SMARCC1: variants seen among roughly 807,000 people sequenced by gnomAD.
SMARCC1 encodes SWI/SNF complex subunit SMARCC1.
Under a neutral mutation model 147.4 loss-of-function variants are expected in SMARCC1, and 43 were observed. The observed-to-expected ratio is 0.29, with a 90% CI of 0.23 to 0.38. SMARCC1 has a LOEUF of 0.38. Among genes scored for constraint, SMARCC1 ranks in the 10% least tolerant of loss-of-function variants. The pLI, the probability that SMARCC1 is intolerant of heterozygous loss-of-function variation, is 1.00. For synonymous variants in SMARCC1, 495 were observed against 484.4 expected (o/e 1.02, Z -0.29); for missense variants, 1,119 against 1,381.1 (o/e 0.81, Z 3.01).
intron 4 of SMARCC1, 106 bp from the exon 5 acceptor site, chr3:47,736,232 A>G (rs1383349948): frequency 1.6e-6 from 1 of 617,022 alleles, no homozygotes; most frequent in African/African-American, 1.9e-5. Flanking sequence ...CTGCCACAAA[A>G]AATATTGAGA....
chr3:47,722,293 A>ATT (rs34260316), intron 6 of SMARCC1, among the ~76,000 whole-genome samples: 46,962 of 106,898 alleles, frequency 0.44, 11,129 homozygotes, highest in East Asian at 0.69. Flanking sequence ...ACAAATTTTG[A>ATT]TTTTTTTTTT....
At chr3:47,683,988 C>A (rs1349578955) in intron 14 of SMARCC1, among the ~76,000 whole-genome samples, 1 of 152,038 alleles carries the variant, frequency 6.6e-6, no homozygotes, top group East Asian at 1.9e-4. Context: ...CGCGGTGGCT[C>A]ACGCCTGTAA....
intron 15 of SMARCC1, chr3:47,680,157 G>T: frequency 3.6e-6 from 1 of 281,418 alleles, no homozygotes; most frequent in Non-Finnish European, 6.6e-6. Flanking sequence ...AGGGGGCAGA[G>T]ATTTCTGTGA....
intron 3 of SMARCC1, among the ~76,000 whole-genome samples, chr3:47,741,189 C>A (rs377650852): frequency 6.6e-6 from 1 of 151,584 alleles, no homozygotes; most frequent in Non-Finnish European, 1.5e-5. Flanking sequence ...TTCAGTAGAG[C>A]GGGAGGTACT....
intron 5 of SMARCC1, among the ~76,000 whole-genome samples, chr3:47,730,472 G>A (rs1201212253): frequency 6.6e-6 from 1 of 152,180 alleles, no homozygotes; most frequent in African/African-American, 2.4e-5. Context: ...TACAGTGAGA[G>A]AGACCCTGTC....
intron 2 of SMARCC1, among the ~76,000 whole-genome samples, chr3:47,755,967 G>A (rs1157776480): frequency 6.9e-6 from 1 of 144,108 alleles, no homozygotes; most frequent in African/African-American, 2.6e-5. Context: ...TTCAGCCCGG[G>A]TGACAGAGCC....
intron 12 of SMARCC1, among the ~76,000 whole-genome samples, chr3:47,692,619 T>C (rs1193337730): frequency 1.3e-5 from 2 of 152,168 alleles, no homozygotes; most frequent in African/African-American, 2.4e-5. Context: ...ATGGCAACAA[T>C]GGATCACAGG....
rs774933499 is a variant in SMARCC1 at position 47,590,805 on chromosome 3, C to T, written c.3076G>A (p.Gly1026Arg). The T allele has an allele frequency of 1.3e-5, 20 of 1,599,946 alleles. No homozygotes were observed. Among genetic ancestry groups the T allele is most frequent in the South Asian group, 1.0e-4 (9 of 88,598 alleles). The change falls in exon 27 of 28, where the codon GGG (glycine) becomes AGG (arginine). Residue 1026 changes from glycine (G) to arginine (R), a missense_variant. Physicochemically the swap from Gly to Arg is moderately radical, Grantham distance 125. Around this residue, in one of 6 missense-constraint regions of SMARCC1, gnomAD observed 186 missense variants for 216.5 expected, o/e 0.86. Transcript: ENST00000254480. The part of the protein sequence containing the change: ...QIPGPGSMMP[G>R]QHMPGRMIPT... ...ATCATGCGGCCTGGCATGTGCTGCCCGGGCATCATGGAACCTGGGCCTGGT... is the reference window on the plus strand; with the variant it reads ...ATCATGCGGCCTGGCATGTGCTGCCTGGGCATCATGGAACCTGGGCCTGGT...
rs769130805 is a variant in SMARCC1, at chr3:47,686,204, A to C, written c.1264-34T>G. 10 of 1,562,490 alleles carry C rather than the reference A, an allele frequency of 6.4e-6. No individual in the cohort carries two copies. The African/African-American group carries it at 8.1e-5, about 13-fold the overall frequency. ...AAGAAGACAAAGTTCAAAGAAAGAA[A>C]GAACTACAGAGAGAGATATATATAA... On this transcript the variant is annotated intron_variant, in intron 13 of 27. Coordinates refer to ENST00000254480, the MANE Select transcript of SMARCC1 (RefSeq NM_003074.4).
intron 26 of SMARCC1, among the ~76,000 whole-genome samples, chr3:47,593,569 G>T (rs2106641507): frequency 6.6e-6 from 1 of 152,278 alleles, no homozygotes; most frequent in Non-Finnish European, 1.5e-5. Context: ...TACTATCTAT[G>T]TAAGGACAAC....
chr3:47,636,915 G>A (rs2106704451), intron 22 of SMARCC1, among the ~76,000 whole-genome samples: 1 of 151,680 alleles, frequency 6.6e-6, no homozygotes, highest in South Asian at 2.1e-4. Context: ...AAGTTGAAAT[G>A]CTGCTGGAAA....
At chr3:47,665,411 T>C (rs925106041) in intron 19 of SMARCC1, among the ~76,000 whole-genome samples, 1 of 152,238 alleles carries the variant, frequency 6.6e-6, no homozygotes, top group Non-Finnish European at 1.5e-5. Flanking sequence ...GTATTATGTT[T>C]CTAATTATAA....
chr3:47,701,154 AG>A lies in SMARCC1; in HGVS notation c.1165+123del, dbSNP rs1340916394. On this transcript the variant is annotated intron_variant, in intron 11 of 27. Coordinates refer to ENST00000254480, the MANE Select transcript of SMARCC1 (RefSeq NM_003074.4). ...AAAATTAAAAAAAGATATCCATAAAAGGGACAATCTATTCATACTTGAAAGT... is the reference window on the plus strand; with the variant it reads ...AAAATTAAAAAAAGATATCCATAAAAGGACAATCTATTCATACTTGAAAGT... 13 of 694,770 alleles carry A rather than the reference AG, an allele frequency of 1.9e-5. No homozygotes were observed. The Admixed American group carries it at 3.9e-4, about 21-fold the overall frequency. The allele number at this position is 694,770 out of a possible 1,614,324, so 43.0% of individuals were successfully genotyped here. A position where few individuals can be genotyped will look rare whatever the true frequency, so the allele number is the denominator to read the frequency against.
intron 11 of SMARCC1, among the ~76,000 whole-genome samples, chr3:47,699,270 T>C (rs956062212): frequency 6.6e-6 from 1 of 152,182 alleles, no homozygotes; most frequent in Non-Finnish European, 1.5e-5. Context: ...GCTAAATTTA[T>C]AAATTCACTA....
chr3:47,741,454 C>T (rs566999298), intron 3 of SMARCC1, among the ~76,000 whole-genome samples: 26 of 149,024 alleles, frequency 1.7e-4, no homozygotes, highest in African/African-American at 5.9e-4. Flanking sequence ...AAATACATGG[C>T]AAAATATCTA....
chr3:47,750,345 G>C (rs1389546713), intron 2 of SMARCC1, among the ~76,000 whole-genome samples: 4 of 152,120 alleles, frequency 2.6e-5, no homozygotes, highest in African/African-American at 7.2e-5. Context: ...TCAGGCAGGA[G>C]AATCACTTGA....
At chr3:47,683,569 T>C (rs1021749247) in intron 14 of SMARCC1, among the ~76,000 whole-genome samples, 4 of 151,918 alleles carry the variant, frequency 2.6e-5, no homozygotes, top group Non-Finnish European at 2.9e-5. Flanking sequence ...TACCCCAAGA[T>C]TGGCCGGACG....
At chr3:47,617,979 G>A (rs2032670023) in intron 25 of SMARCC1, among the ~76,000 whole-genome samples, 1 of 152,020 alleles carries the variant, frequency 6.6e-6, no homozygotes, top group African/African-American at 2.4e-5. Context: ...CAGAAACCAT[G>A]GCAATTTATA....
chr3:47,699,608 C>T (rs1352282317), intron 11 of SMARCC1, among the ~76,000 whole-genome samples: 3 of 151,856 alleles, frequency 2.0e-5, no homozygotes, highest in Non-Finnish European at 4.4e-5. Context: ...ATGTATATTG[C>T]TCTATATGTC....
Sources: allele counts gnomAD v4.1 joint callset (sites outside exome capture counted in the v4.1 genomes callset), GRCh38; gene constraint gnomAD v4.1.1; regional missense constraint gnomAD v4.1.1; transcripts MANE v1.5; gene names NCBI Gene and HGNC (gene_info 2026-07-23, HGNC 2026-07-21).